Variants in PCNX2 observed in about 807,000 individuals in gnomAD.
PCNX2 encodes pecanex-like protein 2.
In PCNX2, 168 loss-of-function variants were observed where a neutral mutation model predicts 223.8. The ratio of observed to expected loss-of-function variants is 0.75; its 90% CI spans 0.66 to 0.85. The LOEUF (loss-of-function observed/expected upper bound fraction) is 0.85. PCNX2 is among the 40% of genes least tolerant of loss of function. The pLI is 0.00. For synonymous variants in PCNX2, 1,006 were observed against 1,052.6 expected (o/e 0.96, Z 0.86); for missense variants, 2,507 against 2,675.5 (o/e 0.94, Z 1.39).
At chr1:233,004,936 A>G (rs568271390) in intron 28 of PCNX2, among the ~76,000 whole-genome samples, 2 of 152,314 alleles carry the variant, frequency 1.3e-5, no homozygotes, top group East Asian at 3.9e-4. Context: ...CCAAGAAGCT[A>G]TCAAAAGCTT....
In PCNX2 at chr1:233,295,288, TAC is replaced by T. The variant is rs1558435476; in HGVS notation, c.153+36_153+37del. The T allele has an allele frequency of 6.4e-7, 1 of 1,563,486 alleles. No individual in the cohort carries two copies. Among genetic ancestry groups the T allele is most frequent in the African/African-American group, 1.4e-5 (1 of 73,376 alleles). ...GGTTCCTTTCTCCTTCTTCCCTCCA[TAC>T]CCACAGCTCCCCGGGACCGGACCCT... On this transcript the variant is annotated intron_variant, in intron 1 of 33. Transcript: ENST00000258229. This position sits in a 1 kb window ranked among gnomAD's most constrained non-coding sequence, Gnocchi z 4.1.
intron 3 of PCNX2, among the ~76,000 whole-genome samples, chr1:233,261,697 C>A (rs1431721455): frequency 6.6e-6 from 1 of 152,174 alleles, no homozygotes; most frequent in African/African-American, 2.4e-5. Flanking sequence ...GAGGTGATAT[C>A]CATTTCAGGT....
chr1:233,192,089 G>C (rs149443896), intron 15 of PCNX2, among the ~76,000 whole-genome samples: 65 of 152,260 alleles, frequency 4.3e-4, no homozygotes, highest in African/African-American at 1.5e-3. Flanking sequence ...TTTCAGACAT[G>C]AGGTACCTCT....
At chr1:233,110,511 C>G (rs1675057046) in intron 21 of PCNX2, among the ~76,000 whole-genome samples, 1 of 152,212 alleles carries the variant, frequency 6.6e-6, no homozygotes, top group South Asian at 2.1e-4. Context: ...TAGGCCTACA[C>G]TCAAGAGCTG....
At position 233,295,288 on chromosome 1, in the gene PCNX2, T is replaced by C. The variant is rs76028560; in HGVS notation, c.153+38A>G. ...GGTTCCTTTCTCCTTCTTCCCTCCA[T>C]ACCCACAGCTCCCCGGGACCGGACC... On this transcript the variant is annotated intron_variant, in intron 1 of 33. Coordinates refer to ENST00000258229, the MANE Select transcript of PCNX2 (RefSeq NM_014801.4). The surrounding 1 kb of genome is among the most constrained non-coding windows in gnomAD (Gnocchi z 4.1). 3 of 1,563,490 alleles carry C rather than the reference T, an allele frequency of 1.9e-6. No homozygotes were observed. Among genetic ancestry groups the C allele is most frequent in the African/African-American group, 1.4e-5 (1 of 73,376 alleles).
chr1:233,121,129 T>C (rs568776296), intron 21 of PCNX2, among the ~76,000 whole-genome samples: 8 of 151,712 alleles, frequency 5.3e-5, no homozygotes, highest in Admixed American at 2.0e-4. Flanking sequence ...ATAAAATATG[T>C]ACAGTATCTA....
At chr1:233,138,716 T>C (rs2102774103) in intron 20 of PCNX2, among the ~76,000 whole-genome samples, 1 of 152,322 alleles carries the variant, frequency 6.6e-6, no homozygotes, top group East Asian at 1.9e-4. Flanking sequence ...ATTTTAAGTA[T>C]CAAAGAACAT....
chr1:233,258,435 C>A lies in PCNX2; in HGVS notation c.1427G>T (p.Gly476Val). 1 of 1,613,878 alleles carries A rather than the reference C, an allele frequency of 6.2e-7. No individual in the cohort carries two copies. The highest frequency in any genetic ancestry group is 1.1e-5 in the South Asian group (1 of 91,080). ...AGAACTGTGATCCTTGATGGCATTTCCCCCCTCCCCAGATCCGTAGCCAGA... is the reference window on the plus strand; with the variant it reads ...AGAACTGTGATCCTTGATGGCATTTACCCCCTCCCCAGATCCGTAGCCAGA... ...QCSGYGSGEG[G>V]NAIKDHSSSS... Residue 476 changes from glycine (G) to valine (V), a missense_variant, in exon 5 of 34, where the codon GGA (glycine) becomes GTA (valine). Physicochemically the swap from Gly to Val is moderately radical, Grantham distance 109 (BLOSUM62 -3). Coordinates refer to ENST00000258229, the MANE Select transcript of PCNX2 (RefSeq NM_014801.4).
chr1:233,249,662 C>T (rs374591919), intron 8 of PCNX2, among the ~76,000 whole-genome samples: 1 of 152,188 alleles, frequency 6.6e-6, no homozygotes, highest in Non-Finnish European at 1.5e-5. Context: ...TGTTTCCCCA[C>T]AGGAGTGACT....
chr1:233,040,514 A>T (rs1671604778), intron 25 of PCNX2, among the ~76,000 whole-genome samples: 1 of 151,670 alleles, frequency 6.6e-6, no homozygotes, highest in South Asian at 2.1e-4. Flanking sequence ...CCTTTCACAC[A>T]TGTCTCCCAC....
chr1:233,249,840 C>T (rs994448717), intron 8 of PCNX2, among the ~76,000 whole-genome samples: 1 of 152,176 alleles, frequency 6.6e-6, no homozygotes, highest in African/African-American at 2.4e-5. Flanking sequence ...AGCTGGTACA[C>T]GACAGCATTC....
At chr1:233,149,854 A>T (rs759638352) in intron 19 of PCNX2, among the ~76,000 whole-genome samples, 2 of 151,186 alleles carry the variant, frequency 1.3e-5, no homozygotes, top group Non-Finnish European at 2.9e-5. Context: ...CCATGCCCTC[A>T]ATCCTCTTCC....
chr1:233,132,408 A>C (rs1676557652), intron 21 of PCNX2, among the ~76,000 whole-genome samples: 1 of 152,114 alleles, frequency 6.6e-6, no homozygotes, highest in African/African-American at 2.4e-5. Context: ...GCCCACTTCG[A>C]GCCACATATT....
chr1:233,150,807 C>T lies in PCNX2; in HGVS notation c.3517+9476G>A, dbSNP rs142953592. On this transcript the variant is annotated intron_variant, in intron 19 of 33. Coordinates refer to ENST00000258229, the MANE Select transcript of PCNX2 (RefSeq NM_014801.4). ...GTGTCCTTCACATTTCCTCAAAAAGCGGGAGAAACTCGGCAGAATCAGTGT... is the reference window on the plus strand; with the variant it reads ...GTGTCCTTCACATTTCCTCAAAAAGTGGGAGAAACTCGGCAGAATCAGTGT... Among the ~76,000 whole-genome samples, 52 of 151,922 alleles carry T rather than the reference C, an allele frequency of 3.4e-4. No individual in the cohort carries two copies. The East Asian group carries it at 8.1e-3, about 24-fold the overall frequency.
chr1:233,287,790 C>T (rs907052031), intron 1 of PCNX2, among the ~76,000 whole-genome samples: 11 of 152,130 alleles, frequency 7.2e-5, no homozygotes, highest in Non-Finnish European at 1.3e-4. Context: ...CATGACTAGC[C>T]ATGTATTCAT....
intron 15 of PCNX2, among the ~76,000 whole-genome samples, chr1:233,182,790 CA>C (rs1679879051): frequency 6.6e-6 from 1 of 152,162 alleles, no homozygotes; most frequent in African/African-American, 2.4e-5. Context: ...CTTCAGTGCC[CA>C]GTATAAGTTC....
At chr1:233,098,651 G>C (rs533243871) in intron 21 of PCNX2, among the ~76,000 whole-genome samples, 1 of 152,114 alleles carries the variant, frequency 6.6e-6, no homozygotes, top group Non-Finnish European at 1.5e-5. Context: ...TCTTTATGTA[G>C]TAATGATTCC....
At chr1:233,197,559 C>T (rs965027824) in intron 15 of PCNX2, among the ~76,000 whole-genome samples, 12 of 152,106 alleles carry the variant, frequency 7.9e-5, no homozygotes, top group East Asian at 7.7e-4. Context: ...TGGTAACAAA[C>T]GGGCCACTAC....
chr1:233,031,944 C>A, intron 25 of PCNX2: 1 of 985,276 alleles, frequency 1.0e-6, no homozygotes, highest in Non-Finnish European at 1.2e-6. Context: ...CTGCTCTGCA[C>A]ACTGGGACCC....
Sources: allele counts gnomAD v4.1 joint callset (sites outside exome capture counted in the v4.1 genomes callset), GRCh38; gene constraint gnomAD v4.1.1; non-coding constraint Gnocchi (gnomAD v3.1); transcripts MANE v1.5; gene names NCBI Gene and HGNC (gene_info 2026-07-23, HGNC 2026-07-21).